Variants in ADAMTSL1 observed in about 807,000 individuals in gnomAD.
The protein encoded by ADAMTSL1 is ADAMTS-like protein 1.
Under a neutral mutation model 201.8 loss-of-function variants are expected in ADAMTSL1, and 126 were observed. The ratio of observed to expected loss-of-function variants is 0.62; its 90% confidence interval spans 0.54 to 0.72. The LOEUF (loss-of-function observed/expected upper bound fraction) is 0.72, where lower values mean the gene tolerates loss of function less well. ADAMTSL1 is among the 30% of genes least tolerant of loss of function. ADAMTSL1 has a pLI of 0.00. For missense variants in ADAMTSL1, 2,679 were observed against 2,277.8 expected, an observed-to-expected ratio of 1.18 and a Z score of -3.59; for synonymous variants, 1,121 against 903.4, an observed-to-expected ratio of 1.24 and a Z score of -4.32.
intron 2 of ADAMTSL1, among the ~76,000 whole-genome samples, chr9:18,193,487 T>C (rs1411389737): frequency 6.6e-6 from 1 of 152,134 alleles, no homozygotes. Flanking sequence ...TCTCCTCTTC[T>C]GGCTCTCTCT....
At chr9:18,634,897 A>T (rs1827010895) in intron 5 of ADAMTSL1, among the ~76,000 whole-genome samples, 1 of 122,202 alleles carries the variant, frequency 8.2e-6, no homozygotes, top group African/African-American at 3.6e-5. Context: ...ATATGTATGT[A>T]AATATATATT....
At chr9:18,292,678 T>G (rs1358376319) in intron 2 of ADAMTSL1, among the ~76,000 whole-genome samples, 1 of 152,170 alleles carries the variant, frequency 6.6e-6, no homozygotes, top group Non-Finnish European at 1.5e-5. Context: ...CTTCCTGCCC[T>G]GGAACATCAG....
intron 1 of ADAMTSL1, among the ~76,000 whole-genome samples, chr9:18,023,662 C>A (rs1820573090): frequency 6.6e-6 from 1 of 152,106 alleles, no homozygotes; most frequent in Non-Finnish European, 1.5e-5. Context: ...CCCCAGATTT[C>A]TTCTGTCTGG....
Position 18,905,765 on chromosome 9 carries a change from C to T in ADAMTSL1, c.4852-17C>T. 6.2e-7 allele frequency: 1 copy of T among 1,604,620 alleles called. No homozygotes were observed. Among genetic ancestry groups the T allele is most frequent in the African/African-American group, 1.3e-5 (1 of 74,884 alleles). ...ACTTGGCTAATGTGCGGTATGTTAC[C>T]TTTTTCTGCTTTCCAGTGCAATGGG... On this transcript the variant is annotated splice_polypyrimidine_tract_variant and intron_variant, in intron 26 of 28. Transcript: ENST00000380548.
intron 2 of ADAMTSL1, among the ~76,000 whole-genome samples, chr9:18,417,932 A>G (rs1210787928): frequency 3.3e-5 from 5 of 152,194 alleles, no homozygotes; most frequent in African/African-American, 1.2e-4. Context: ...ATAACACTAT[A>G]GAGCACAAAA....
chr9:18,268,102 G>T (rs1028859124), intron 2 of ADAMTSL1, among the ~76,000 whole-genome samples: 2 of 152,124 alleles, frequency 1.3e-5, no homozygotes, highest in African/African-American at 4.8e-5. Flanking sequence ...GCATTAAATT[G>T]TCTTTTAGCA....
At chr9:18,206,085 A>G (rs1167030001) in intron 2 of ADAMTSL1, among the ~76,000 whole-genome samples, 3 of 128,494 alleles carry the variant, frequency 2.3e-5, no homozygotes, top group Non-Finnish European at 5.0e-5. Context: ...AAAAAAAAAA[A>G]GCAGCCAAGA....
At chr9:18,770,068 C>T (rs1039498881) in intron 16 of ADAMTSL1, among the ~76,000 whole-genome samples, 1 of 152,178 alleles carries the variant, frequency 6.6e-6, no homozygotes. Flanking sequence ...ATCATCAGTC[C>T]TGCAAGAAGA....
intron 15 of ADAMTSL1, among the ~76,000 whole-genome samples, chr9:18,733,634 C>T (rs76830784): frequency 2.0e-5 from 3 of 146,366 alleles, no homozygotes; most frequent in Non-Finnish European, 4.5e-5. Context: ...CCACTCCCCC[C>T]ACACACACAC....
intron 15 of ADAMTSL1, among the ~76,000 whole-genome samples, chr9:18,727,538 C>T (rs1044403577): frequency 1.2e-4 from 18 of 152,210 alleles, no homozygotes; most frequent in South Asian, 4.1e-4. Context: ...ATGGTTGGGC[C>T]TGACTGGGCC....
chr9:18,791,258 C>G (rs1049516031), intron 19 of ADAMTSL1, among the ~76,000 whole-genome samples: 1 of 152,210 alleles, frequency 6.6e-6, no homozygotes, highest in Admixed American at 6.5e-5. Context: ...TGGGACCCCC[C>G]TCCAGAACTA....
chr9:18,906,971 A>G lies in ADAMTSL1; in HGVS notation c.5182+59A>G, dbSNP rs779410474. 10 of 1,592,770 alleles carry G rather than the reference A, an allele frequency of 6.3e-6. No individual in the cohort carries two copies. The Admixed American group carries it at 1.7e-4, about 27-fold the overall frequency. ...TCCCCATAGAGCATCGAGTGCAGAG[A>G]GCAGTCCCTGGGACCGACCCTGAGC... On this transcript the variant is annotated intron_variant, in intron 28 of 28. Coordinates refer to ENST00000380548, the MANE Select transcript of ADAMTSL1 (RefSeq NM_001040272.6).
chr9:18,485,669 C>T (rs1342828587), intron 1 of ADAMTSL1, among the ~76,000 whole-genome samples: 1 of 152,138 alleles, frequency 6.6e-6, no homozygotes, highest in Non-Finnish European at 1.5e-5. Flanking sequence ...GCATTGCCAG[C>T]AGAGGGACTT....
At chr9:18,621,883 A>G (rs1259021257) in intron 4 of ADAMTSL1, among the ~76,000 whole-genome samples, 2 of 152,156 alleles carry the variant, frequency 1.3e-5, no homozygotes, top group Admixed American at 1.3e-4. Context: ...TGAGTGCATC[A>G]TAATTATTAA....
intron 19 of ADAMTSL1, among the ~76,000 whole-genome samples, chr9:18,783,200 A>C (rs550698582): frequency 4.6e-5 from 7 of 152,350 alleles, no homozygotes; most frequent in Non-Finnish European, 8.8e-5. Flanking sequence ...ACTTCTCTCC[A>C]GCAACTAAGA....
chr9:18,898,129 C>T (rs1361561663), intron 26 of ADAMTSL1, among the ~76,000 whole-genome samples: 1 of 152,098 alleles, frequency 6.6e-6, no homozygotes, highest in Admixed American at 6.5e-5. Context: ...GCAGAGGTTG[C>T]AGTGAGCTGA....
intron 2 of ADAMTSL1, among the ~76,000 whole-genome samples, chr9:18,256,035 A>G (rs1372339975): frequency 6.6e-6 from 1 of 152,108 alleles, no homozygotes; most frequent in African/African-American, 2.4e-5. Flanking sequence ...CTTGTTTCCT[A>G]TTTGAAGATG....
chr9:18,083,673 A>G (rs1044740709), intron 1 of ADAMTSL1, among the ~76,000 whole-genome samples: 1 of 152,192 alleles, frequency 6.6e-6, no homozygotes, highest in Non-Finnish European at 1.5e-5. Flanking sequence ...CTTTATGAGG[A>G]ACAATTTGCT....
At chr9:18,241,469 G>T (rs760142338) in intron 2 of ADAMTSL1, among the ~76,000 whole-genome samples, 1 of 151,962 alleles carries the variant, frequency 6.6e-6, no homozygotes, top group African/African-American at 2.4e-5. Flanking sequence ...TTTTGCAGTA[G>T]AGCCTTCCTT....
Sources: allele counts gnomAD v4.1 joint callset (sites outside exome capture counted in the v4.1 genomes callset), GRCh38; gene constraint gnomAD v4.1.1; transcripts MANE v1.5; gene names NCBI Gene and HGNC (gene_info 2026-07-23, HGNC 2026-07-21).